The following PLCE1 variants were observed in gnomAD, a reference collection of about 807,000 sequenced individuals.
PLCE1 encodes 1-phosphatidylinositol 4,5-bisphosphate phosphodiesterase epsilon-1.
PLCE1 carries 119 observed loss-of-function variants against 242.8 expected under a neutral mutation model. The ratio of observed to expected loss-of-function variants is 0.49; its 90% CI spans 0.42 to 0.57. The LOEUF is 0.57. Ranked by LOEUF, PLCE1 falls within the 20% of genes least tolerant of loss-of-function variation. The probability of loss-of-function intolerance (pLI) is 0.00; values close to 1 mark genes in which losing one functional copy is unlikely to be tolerated. For synonymous variants in PLCE1, 945 were observed against 1,017.4 expected (o/e 0.93, Z 1.35); for missense variants, 2,441 against 2,788.8 (o/e 0.88, Z 2.81).
intron 4 of PLCE1, among the ~76,000 whole-genome samples, chr10:94,193,635 T>C (rs764777395): frequency 2.0e-5 from 3 of 152,202 alleles, no homozygotes; most frequent in Non-Finnish European, 4.4e-5. Flanking sequence ...CAAAAGAAAG[T>C]GAGCACTTGC....
In PLCE1 at chr10:94,172,215, G is replaced by A. The variant is rs972144243; in HGVS notation, c.1809+719G>A. Among the ~76,000 whole-genome samples the A allele has an allele frequency of 5.3e-5, 8 of 152,280 alleles. No homozygotes were observed. The East Asian group carries it at 1.4e-3, about 26-fold the overall frequency. ...GCCCTGGGATAGGGAGGAGCGTCAG[G>A]AAAGAGCAGGGAGTCTCCATGCAGT... On this transcript the variant is annotated intron_variant, in intron 4 of 32. Transcript: ENST00000371380.
chr10:94,138,695 T>C, intron 3 of PLCE1: 1 of 295,570 alleles, frequency 3.4e-6, no homozygotes, highest in Admixed American at 4.3e-5. Context: ...CTGCTGGACA[T>C]AGGAAACAGC....
intron 4 of PLCE1, among the ~76,000 whole-genome samples, chr10:94,211,365 C>T (rs1032122238): frequency 2.6e-5 from 4 of 152,328 alleles, no homozygotes; most frequent in Middle Eastern, 3.4e-3. Flanking sequence ...TGTAGGTGTC[C>T]TGAGGTGACA....
intron 4 of PLCE1, among the ~76,000 whole-genome samples, chr10:94,184,394 C>T (rs762296628): frequency 6.8e-4 from 104 of 152,298 alleles, no homozygotes; most frequent in Admixed American, 2.6e-3. Flanking sequence ...AATGGCACGA[C>T]GGTCAGCTCA....
intron 13 of PLCE1, among the ~76,000 whole-genome samples, chr10:94,259,751 TC>T (rs920749317): frequency 8.5e-5 from 13 of 152,240 alleles, no homozygotes; most frequent in Middle Eastern, 3.4e-3. Flanking sequence ...ACTATATTAG[TC>T]CATTTTCATG....
intron 13 of PLCE1, 26 bp from the exon 14 acceptor site, chr10:94,262,468 C>T (rs1249518542): frequency 6.9e-7 from 1 of 1,453,272 alleles, no homozygotes; most frequent in Non-Finnish European, 9.7e-7. Flanking sequence ...CTATCTTGTC[C>T]ATGTACTGTG....
chr10:94,010,402 C>T (rs760761855), intron 1 of PLCE1, among the ~76,000 whole-genome samples: 2 of 152,140 alleles, frequency 1.3e-5, no homozygotes, highest in African/African-American at 2.4e-5. Context: ...GGCCTTTTTC[C>T]TGTTGTCTAG....
At chr10:94,027,948 G>A (rs1341062661) in intron 1 of PLCE1, among the ~76,000 whole-genome samples, 1 of 152,140 alleles carries the variant, frequency 6.6e-6, no homozygotes, top group Non-Finnish European at 1.5e-5. Context: ...CAGACTAGAT[G>A]GAAGATAAAA....
intron 2 of PLCE1, among the ~76,000 whole-genome samples, chr10:94,070,474 C>T (rs2044319604): frequency 6.6e-6 from 1 of 152,208 alleles, no homozygotes; most frequent in African/African-American, 2.4e-5. Flanking sequence ...GCTTCCCTCT[C>T]TTTCCCAGGA....
At chr10:94,096,864 A>T (rs2045334022) in intron 2 of PLCE1, 1 of 152,224 alleles carries the variant, frequency 6.6e-6, no homozygotes, top group African/African-American at 2.4e-5. Flanking sequence ...GTGACTCCAT[A>T]AGAAGGTGAG....
intron 2 of PLCE1, among the ~76,000 whole-genome samples, chr10:94,125,833 T>C (rs545212036): frequency 7.8e-4 from 118 of 152,244 alleles, no homozygotes; most frequent in Admixed American, 4.1e-3. Context: ...CACTTGACAA[T>C]ACCCTTTTTG....
chr10:94,251,567 T>G (rs577373429), intron 8 of PLCE1, among the ~76,000 whole-genome samples: 1 of 152,342 alleles, frequency 6.6e-6, no homozygotes, highest in South Asian at 2.1e-4. Flanking sequence ...GTGGTTTTAT[T>G]AACTGACTTA....
intron 3 of PLCE1, chr10:94,137,975 C>T (rs1257651904): frequency 5.1e-6 from 2 of 391,000 alleles, no homozygotes; most frequent in Non-Finnish European, 1.0e-5. Flanking sequence ...CTCCATTCAT[C>T]CTGATAACAT....
intron 3 of PLCE1, chr10:94,138,736 G>A (rs535997277): frequency 1.2e-5 from 3 of 260,468 alleles, no homozygotes; most frequent in African/African-American, 4.6e-5. Context: ...TCCATAATGA[G>A]CTCCCATATA....
intron 2 of PLCE1, among the ~76,000 whole-genome samples, chr10:94,060,767 G>A (rs1435005584): frequency 1.3e-5 from 2 of 150,204 alleles, no homozygotes; most frequent in Admixed American, 1.3e-4. Flanking sequence ...TGTGATCAAA[G>A]CTCACTGCAG....
At chr10:94,088,235 T>C (rs1180081689) in intron 2 of PLCE1, 1 of 152,218 alleles carries the variant, frequency 6.6e-6, no homozygotes, top group East Asian at 1.9e-4. Context: ...AATGAGATAA[T>C]GCATGAAAGT....
intron 2 of PLCE1, among the ~76,000 whole-genome samples, chr10:94,094,184 G>T (rs1017886043): frequency 2.0e-5 from 3 of 148,522 alleles, no homozygotes; most frequent in Non-Finnish European, 2.9e-5. Flanking sequence ...CTCGTGATCC[G>T]CCCGCCTCGG....
intron 1 of PLCE1, among the ~76,000 whole-genome samples, chr10:93,999,895 A>G (rs745616654): frequency 1.3e-5 from 2 of 152,202 alleles, no homozygotes; most frequent in Non-Finnish European, 2.9e-5. Flanking sequence ...TGTAACTGCC[A>G]GTGGGGGATT....
At chr10:94,001,798 G>A (rs1012948287) in intron 1 of PLCE1, among the ~76,000 whole-genome samples, 2 of 152,186 alleles carry the variant, frequency 1.3e-5, no homozygotes, top group African/African-American at 4.8e-5. Context: ...TGAAATGTTT[G>A]CCTGGAAGAA....
Sources: gnomAD v4.1 joint callset for allele counts (sites outside exome capture counted in the v4.1 genomes callset) on GRCh38, gnomAD v4.1.1 for gene constraint, MANE v1.5 for transcripts, NCBI Gene and HGNC (gene_info 2026-07-23, HGNC 2026-07-21) for gene names.